SUSD6: variants seen among roughly 807,000 people sequenced by gnomAD.
SUSD6 encodes the protein sushi domain-containing protein 6.
Under a neutral mutation model 28.4 loss-of-function variants are expected in SUSD6, and 16 were observed. That is an observed-to-expected ratio of 0.56 (90% confidence interval 0.38 to 0.86). SUSD6 has a LOEUF of 0.86. Ranked by LOEUF, SUSD6 falls within the 40% of genes least tolerant of loss-of-function variation. The pLI, the probability that SUSD6 is intolerant of heterozygous loss-of-function variation, is 0.00. For synonymous variants in SUSD6, 147 were observed against 159.6 expected, an observed-to-expected ratio of 0.92 and a Z score of 0.59; for missense variants, 341 against 384.2, an observed-to-expected ratio of 0.89 and a Z score of 0.94.
chr14:69,631,137 AC>A (rs1364291621), intron 1 of SUSD6, among the ~76,000 whole-genome samples: 1 of 152,218 alleles, frequency 6.6e-6, no homozygotes, highest in Non-Finnish European at 1.5e-5. Flanking sequence ...CTTTAGCATC[AC>A]CTGGGCCACC....
Position 69,628,061 on chromosome 14 carries a change from T to C in SUSD6, c.-81+16233T>C, listed in dbSNP as rs180746964. Among the ~76,000 whole-genome samples, 357 of 152,022 alleles carry C rather than the reference T, an allele frequency of 2.3e-3. 1 individual carries two copies. The highest frequency in any genetic ancestry group is 3.4e-3 in the Non-Finnish European group (229 of 67,956). On this transcript the variant is annotated intron_variant, in intron 1 of 5. Coordinates refer to ENST00000342745, the MANE Select transcript of SUSD6 (RefSeq NM_014734.4). ...CGATTCTTCTGCCTCAGCTCCTACG[T>C]AGCTGGGATTACAGGCACCTGCCAC...
At chr14:69,666,429 G>A (rs553669886) in intron 2 of SUSD6, among the ~76,000 whole-genome samples, 1 of 152,312 alleles carries the variant, frequency 6.6e-6, no homozygotes, top group South Asian at 2.1e-4. Flanking sequence ...ATATGAGAAT[G>A]CCAAGGATCT....
chr14:69,635,528 A>G (rs891164983), intron 1 of SUSD6, among the ~76,000 whole-genome samples: 9 of 152,000 alleles, frequency 5.9e-5, no homozygotes, highest in African/African-American at 2.2e-4. Context: ...GACATATTCT[A>G]AAGAGTTGTT....
chr14:69,656,404 A>G (rs1197274429), intron 1 of SUSD6, among the ~76,000 whole-genome samples: 2 of 152,178 alleles, frequency 1.3e-5, no homozygotes, highest in African/African-American at 4.8e-5. Flanking sequence ...GGGGATGACA[A>G]CTGCCCGGTA....
At chr14:69,641,783 A>G (rs1261675002) in intron 1 of SUSD6, among the ~76,000 whole-genome samples, 1 of 148,048 alleles carries the variant, frequency 6.8e-6, no homozygotes, top group Non-Finnish European at 1.5e-5. Flanking sequence ...TTTTTTTTGT[A>G]GAGAGGAGGG....
chr14:69,624,797 A>G (rs915667108), intron 1 of SUSD6, among the ~76,000 whole-genome samples: 5 of 152,212 alleles, frequency 3.3e-5, no homozygotes, highest in African/African-American at 4.8e-5. Flanking sequence ...TGATGTTAAC[A>G]CTACCCATCT....
intron 1 of SUSD6, among the ~76,000 whole-genome samples, chr14:69,637,327 C>T (rs1472037584): frequency 6.6e-6 from 1 of 152,146 alleles, no homozygotes; most frequent in Non-Finnish European, 1.5e-5. Flanking sequence ...TTTCCTTGTT[C>T]TTCCTGACCT....
At chr14:69,661,809 A>G (rs993502419) in intron 2 of SUSD6, among the ~76,000 whole-genome samples, 13 of 151,498 alleles carry the variant, frequency 8.6e-5, no homozygotes, top group African/African-American at 2.7e-4. Flanking sequence ...TTTTCTTTTT[A>G]TTTGTTTTAG....
At chr14:69,687,722 C>T (rs74060279) in intron 2 of SUSD6, among the ~76,000 whole-genome samples, 1,559 of 152,256 alleles carry the variant, frequency 0.01, 28 homozygotes, top group African/African-American at 0.035. Context: ...TGGGCTTCTC[C>T]CATGCCTGGC....
chr14:69,682,704 A>C (rs1432075528), intron 2 of SUSD6, among the ~76,000 whole-genome samples: 1 of 152,208 alleles, frequency 6.6e-6, no homozygotes, highest in Non-Finnish European at 1.5e-5. Context: ...GGCATCTAAG[A>C]GAAAGAGAAA....
At chr14:69,668,152 A>T (rs115056646) in intron 2 of SUSD6, among the ~76,000 whole-genome samples, 435 of 152,256 alleles carry the variant, frequency 2.9e-3, no homozygotes, top group African/African-American at 0.01. Context: ...CTGGGGAGGA[A>T]GTGGAGGAGC....
intron 2 of SUSD6, among the ~76,000 whole-genome samples, chr14:69,692,038 CAAAAA>C (rs200335924): frequency 5.9e-5 from 4 of 68,304 alleles, no homozygotes; most frequent in Non-Finnish European, 3.2e-5. Context: ...GACTCCGTCT[CAAAAA>C]AAAAAAAAAA....
At chr14:69,675,357 T>C (rs756275666) in intron 2 of SUSD6, among the ~76,000 whole-genome samples, 3 of 152,218 alleles carry the variant, frequency 2.0e-5, no homozygotes, top group Non-Finnish European at 4.4e-5. Context: ...GCCTGGGGTG[T>C]GTGCCAGGCA....
At chr14:69,682,622 G>A (rs1271988050) in intron 2 of SUSD6, among the ~76,000 whole-genome samples, 1 of 152,150 alleles carries the variant, frequency 6.6e-6, no homozygotes, top group Non-Finnish European at 1.5e-5. Context: ...GTTTTAAAGA[G>A]CAAGGGCTCT....
chr14:69,704,530 A>T, intron 3 of SUSD6, 74 bp from the exon 4 acceptor site: 1 of 1,485,036 alleles, frequency 6.7e-7, no homozygotes, highest in Non-Finnish European at 9.1e-7. Context: ...ATTTGACAAG[A>T]TCAGCTGTGG....
intron 2 of SUSD6, among the ~76,000 whole-genome samples, chr14:69,697,074 G>C (rs1423483096): frequency 1.3e-5 from 2 of 152,216 alleles, no homozygotes; most frequent in African/African-American, 4.8e-5. Flanking sequence ...TCCTGGAACT[G>C]AGGGTTCCTC....
chr14:69,664,017 T>C (rs940996810), intron 2 of SUSD6, among the ~76,000 whole-genome samples: 3 of 151,916 alleles, frequency 2.0e-5, no homozygotes, highest in Admixed American at 1.3e-4. Context: ...CTCACTGTGT[T>C]GCCCAGGCTG....
intron 1 of SUSD6, among the ~76,000 whole-genome samples, chr14:69,612,556 T>C (rs2139585446): frequency 6.6e-6 from 1 of 152,192 alleles, no homozygotes; most frequent in South Asian, 2.1e-4. Context: ...GGAGAAAAGT[T>C]ACCCTGGACG....
intron 1 of SUSD6, among the ~76,000 whole-genome samples, chr14:69,638,774 A>C (rs1885303144): frequency 2.0e-5 from 3 of 152,172 alleles, no homozygotes; most frequent in Non-Finnish European, 2.9e-5. Flanking sequence ...TAGTTGATTT[A>C]AAAGACTGAC....
Sources: allele counts gnomAD v4.1 joint callset (sites outside exome capture counted in the v4.1 genomes callset), GRCh38; gene constraint gnomAD v4.1.1; transcripts MANE v1.5; gene names NCBI Gene and HGNC (gene_info 2026-07-23, HGNC 2026-07-21).